The following PXT1 variants were observed in gnomAD, a reference collection of about 807,000 sequenced individuals.
PXT1 encodes peroxisomal testis enriched protein 1.
A neutral mutation model predicts 11.0 loss-of-function variants in PXT1; 11 were observed. The observed-to-expected ratio is 1.00, with a 90% CI of 0.63 to 1.66. PXT1 has a LOEUF of 1.66. Ranked by LOEUF, PXT1 falls within the 40% of genes most tolerant of loss-of-function variation. The probability of loss-of-function intolerance (pLI) is 0.00; values close to 1 mark genes in which losing one functional copy is unlikely to be tolerated. For missense variants in PXT1, 141 were observed against 155.5 expected (o/e 0.91, Z 0.49); for synonymous variants, 43 against 51.4 (o/e 0.84, Z 0.70).
intron 3 of PXT1, among the ~76,000 whole-genome samples, chr6:36,405,400 T>C (rs1286604025): frequency 6.6e-6 from 1 of 151,818 alleles, no homozygotes; most frequent in Non-Finnish European, 1.5e-5. Context: ...TATTTTGAGA[T>C]GGAGTTTTGC....
chr6:36,396,625 T>C (rs1252361997), intron 4 of PXT1, among the ~76,000 whole-genome samples: 2 of 152,304 alleles, frequency 1.3e-5, no homozygotes, highest in African/African-American at 4.8e-5. Context: ...GCCAGTCCTG[T>C]GGACCAGAGT....
chr6:36,407,480 A>G (rs1774307442), intron 3 of PXT1, among the ~76,000 whole-genome samples: 1 of 152,192 alleles, frequency 6.6e-6, no homozygotes. Flanking sequence ...TTGTTACTGA[A>G]AAGTTGTGGG....
intron 3 of PXT1, among the ~76,000 whole-genome samples, chr6:36,411,356 C>A (rs578162647): frequency 1.4e-4 from 21 of 152,262 alleles, no homozygotes; most frequent in African/African-American, 4.8e-4. Flanking sequence ...GAGGCTGAGG[C>A]AGGAGAATCG....
chr6:36,409,214 A>C (rs1350679862), intron 3 of PXT1, among the ~76,000 whole-genome samples: 1 of 152,180 alleles, frequency 6.6e-6, no homozygotes, highest in Non-Finnish European at 1.5e-5. Context: ...CCTCACCAAA[A>C]TCAAAGTATG....
At chr6:36,402,953 T>TTC (rs1170481123) in intron 3 of PXT1, among the ~76,000 whole-genome samples, 2 of 10,724 alleles carry the variant, frequency 1.9e-4, no homozygotes, top group Non-Finnish European at 6.2e-4. Context: ...CTTTCTTTCT[T>TTC]TTTTTTTTTT....
chr6:36,391,909 T>G (rs780007557), intron 4 of PXT1, 35 bp from the exon 5 acceptor site: 7 of 1,218,088 alleles, frequency 5.7e-6, no homozygotes, highest in East Asian at 5.0e-5. Context: ...AGAAAGGTTT[T>G]TTTTTTTTTT....
chr6:36,399,919 C>G (rs1774191254), intron 4 of PXT1, among the ~76,000 whole-genome samples: 1 of 152,150 alleles, frequency 6.6e-6, no homozygotes, highest in Admixed American at 6.5e-5. Context: ...CAGTCCAAGG[C>G]ATAGGTTCTC....
chr6:36,411,439 G>A (rs1378009233), intron 3 of PXT1, among the ~76,000 whole-genome samples: 3 of 151,956 alleles, frequency 2.0e-5, no homozygotes, highest in Admixed American at 1.3e-4. Flanking sequence ...CAACAAGAGT[G>A]AAACTCCATC....
At chr6:36,434,375 C>G (rs1056866838) in intron 2 of PXT1, among the ~76,000 whole-genome samples, 6 of 152,070 alleles carry the variant, frequency 3.9e-5, no homozygotes, top group Admixed American at 6.6e-5. Context: ...TGTTGAAATA[C>G]TATACCCTCA....
At chr6:36,426,435 A>G (rs1300059032) in intron 2 of PXT1, among the ~76,000 whole-genome samples, 1 of 128,486 alleles carries the variant, frequency 7.8e-6, no homozygotes, top group African/African-American at 3.1e-5. Flanking sequence ...CCATGGCCCC[A>G]TCTCGGCTCA....
At chr6:36,399,135 T>TCATTG (rs201757075) in intron 4 of PXT1, among the ~76,000 whole-genome samples, 1 of 80,716 alleles carries the variant, frequency 1.2e-5, no homozygotes, top group African/African-American at 3.1e-5. Context: ...TTATTTTATT[T>TCATTG]CATTTCATTT....
chr6:36,397,875 G>A (rs143917191), intron 4 of PXT1, among the ~76,000 whole-genome samples: 45 of 152,164 alleles, frequency 3.0e-4, no homozygotes, highest in African/African-American at 1.0e-3. Context: ...AATTAGCCAG[G>A]TGTGGTGACA....
At chr6:36,414,609 A>G (rs74668215) in intron 3 of PXT1, among the ~76,000 whole-genome samples, 4,100 of 152,274 alleles carry the variant, frequency 0.027, 179 homozygotes, top group African/African-American at 0.092. Context: ...TCCAGGACAG[A>G]GTCTTCGTTG....
At chr6:36,437,867 T>C (rs1774790247) in intron 2 of PXT1, among the ~76,000 whole-genome samples, 2 of 141,256 alleles carry the variant, frequency 1.4e-5, no homozygotes, top group African/African-American at 5.4e-5. Context: ...TCGTCCAGGC[T>C]GGAGTGCAGT....
chr6:36,414,943 A>G (rs1774427758), intron 3 of PXT1, among the ~76,000 whole-genome samples: 4 of 152,234 alleles, frequency 2.6e-5, no homozygotes, highest in Admixed American at 2.6e-4. Flanking sequence ...TGAAGATGCA[A>G]ATATTTCAAG....
intron 4 of PXT1, among the ~76,000 whole-genome samples, chr6:36,394,974 T>A (rs187920150): frequency 1.0e-3 from 155 of 151,860 alleles, no homozygotes; most frequent in Middle Eastern, 6.8e-3. Context: ...CTAATTTTTT[T>A]AAAAATTGTT....
chr6:36,430,839 G>A (rs547026), intron 2 of PXT1, among the ~76,000 whole-genome samples: 64,621 of 151,684 alleles, frequency 0.43, 15,079 homozygotes, highest in African/African-American at 0.6. Flanking sequence ...CTGTCACCCA[G>A]GCTGGAGTGC....
intron 4 of PXT1, 126 bp downstream of exon 4, chr6:36,400,328 T>C: frequency 8.7e-7 from 1 of 1,154,000 alleles, no homozygotes; most frequent in African/African-American, 1.5e-5. Flanking sequence ...TAACATTTGG[T>C]AATCCAGACA....
At chr6:36,400,840 G>A (rs149041653) in intron 3 of PXT1, among the ~76,000 whole-genome samples, 32 of 152,120 alleles carry the variant, frequency 2.1e-4, no homozygotes, top group African/African-American at 7.7e-4. Context: ...TGTGGTGACG[G>A]GTGCCTGTAA....
Sources: gnomAD v4.1 joint callset for allele counts (sites outside exome capture counted in the v4.1 genomes callset) on GRCh38, gnomAD v4.1.1 for gene constraint, MANE v1.5 for transcripts, NCBI Gene and HGNC (gene_info 2026-07-23, HGNC 2026-07-21) for gene names.